STK11IP: variants seen among roughly 807,000 people sequenced by gnomAD.
STK11IP encodes serine/threonine-protein kinase 11-interacting protein.
STK11IP carries 103 observed loss-of-function variants against 131.7 expected under a neutral mutation model. The ratio of observed to expected loss-of-function variants is 0.78; its 90% confidence interval spans 0.67 to 0.92. The LOEUF (loss-of-function observed/expected upper bound fraction) is 0.92. STK11IP is among the 40% of genes least tolerant of loss of function. The pLI, the probability that STK11IP is intolerant of heterozygous loss-of-function variation, is 0.00. For synonymous variants in STK11IP, 557 were observed against 575.6 expected, an observed-to-expected ratio of 0.97 and a Z score of 0.46; for missense variants, 1,315 against 1,385.7, an observed-to-expected ratio of 0.95 and a Z score of 0.81.
In STK11IP at chr2:219,613,197, T is replaced by C. The variant is rs1698448813; in HGVS notation, c.2509T>C (p.Tyr837His). The change falls in exon 20 of 25, where the codon TAC becomes CAC. Residue 837 changes from tyrosine to histidine, a missense_variant. Coordinates refer to ENST00000456909, the MANE Select transcript of STK11IP (RefSeq NM_052902.4). ...CLVVVSDRRL[Y>H]LLKVTGEMRE... ...TGTGGTTGTGTCTGACCGCAGGCTG[T>C]ACCTGTTGAAGGTGACTGGGGAGAT... 6.2e-7 allele frequency: 1 copy of C among 1,603,946 alleles called. No individual in the cohort carries two copies.
intron 19 of STK11IP, among the ~76,000 whole-genome samples, 191 bp downstream of exon 19, chr2:219,612,249 A>G (rs912313950): frequency 6.6e-6 from 1 of 152,190 alleles, no homozygotes; most frequent in Non-Finnish European, 1.5e-5. Context: ...GCCTGTCTGC[A>G]ATGGAGATAA....
chr2:219,603,426 C>G (rs1437373361), intron 7 of STK11IP, among the ~76,000 whole-genome samples: 1 of 152,104 alleles, frequency 6.6e-6, no homozygotes, highest in East Asian at 1.9e-4. Flanking sequence ...AAACTGGTAG[C>G]TTTTGTGATT....
rs1251513720 is a variant in STK11IP, at chr2:219,614,515, G to T, written c.2838G>T (p.Gln946His). 6.2e-6 allele frequency: 10 copies of T among 1,613,858 alleles called. No homozygotes were observed. In the East Asian group the frequency reaches 1.1e-4, roughly 18 times the overall value. Reference protein sequence around the residue: ...LEKDSSLEARQFFYLRAFLVE... With the variant: ...LEKDSSLEARHFFYLRAFLVE... ...AAGACTCATCCTTGGAGGCTCGCCA[G>T]TTCTTCTACCTTCGGGCGTTCCTGG... is the stretch of plus-strand genomic sequence containing the variant. Residue 946 changes from glutamine to histidine, a missense_variant, in exon 23 of 25, where the codon CAG (glutamine) becomes CAT (histidine). Physicochemically the swap from Gln to His is conservative, Grantham distance 24. Transcript: ENST00000456909.
intron 17 of STK11IP, chr2:219,609,769 A>AT (rs1698335079): frequency 9.9e-6 from 5 of 506,552 alleles, no homozygotes; most frequent in Admixed American, 6.4e-5. Context: ...TTAACTCTAA[A>AT]AGTCAGGAAA....
At chr2:219,609,737 A>G (rs1370573758) in intron 17 of STK11IP, 197 bp downstream of exon 17, 11 of 541,488 alleles carry the variant, frequency 2.0e-5, no homozygotes, top group Non-Finnish European at 3.3e-5. Context: ...AGAAGAAACT[A>G]TATCCTGTTT....
chr2:219,602,923 A>G (rs1698037721), intron 7 of STK11IP, 147 bp downstream of exon 7: 1 of 743,750 alleles, frequency 1.3e-6, no homozygotes, highest in Non-Finnish European at 2.2e-6. Flanking sequence ...CTTAGACACT[A>G]GCATCAGACA....
chr2:219,614,041 G>C lies in STK11IP; in HGVS notation c.2716+111G>C, dbSNP rs1178993237. 3.3e-6 allele frequency: 5 copies of C among 1,507,846 alleles called. No individual in the cohort carries two copies. The South Asian group carries it at 6.1e-5, about 19-fold the overall frequency. 93.4% of individuals were successfully genotyped at this position (1,507,846 alleles called of 1,614,324 possible). ...CGGAGACAGAGAGGTAACAGGACTT[G>C]TCCCTTGTAGAAGTTTCTGAAATCC... On this transcript the variant is annotated intron_variant, in intron 21 of 24. Coordinates refer to ENST00000456909, the MANE Select transcript of STK11IP (RefSeq NM_052902.4).
rs1697842180 is a variant in STK11IP, at chr2:219,597,906, AC to A, written c.-42del. On this transcript the variant is annotated 5_prime_UTR_variant, in exon 1 of 25. Transcript: ENST00000456909. ...GCCGGGCAGCTGAGCTGGTAGGAGGACCAGACGGGGAGGTTCGGTATGTCTG... is the reference window on the plus strand; with the variant it reads ...GCCGGGCAGCTGAGCTGGTAGGAGGACAGACGGGGAGGTTCGGTATGTCTG... 6.2e-7 allele frequency: 1 copy of A among 1,611,342 alleles called. No individual in the cohort carries two copies. Among genetic ancestry groups the A allele is most frequent in the Non-Finnish European group, 8.5e-7 (1 of 1,178,842 alleles).
At chr2:219,601,873 C>T (rs1697997139) in intron 4 of STK11IP, 115 bp from the exon 5 acceptor site, 2 of 1,256,994 alleles carry the variant, frequency 1.6e-6, no homozygotes, top group East Asian at 2.5e-5. Context: ...TTTACTGCTT[C>T]CCTAAATCAT....
rs777066069 is a variant in STK11IP at position 219,606,291 on chromosome 2, G to A, written c.945+1G>A. On this transcript the variant is annotated splice_donor_variant, in intron 10 of 24. Transcript: ENST00000456909. LOFTEE classifies it high-confidence loss of function. ...CCGGGCCAGGGATGCTGCTACTGGC[G>A]TGAGTGATCGTCCTGTGTCCACTCT... is the stretch of plus-strand genomic sequence containing the variant. 6.1e-5 allele frequency: 96 copies of A among 1,561,588 alleles called. No homozygotes were observed. Among genetic ancestry groups the A allele is most frequent in the Non-Finnish European group, 7.2e-5 (83 of 1,152,594 alleles).
chr2:219,601,501 G>A (rs1187494142), intron 3 of STK11IP, 61 bp downstream of exon 3: 2 of 1,586,066 alleles, frequency 1.3e-6, no homozygotes, highest in Admixed American at 1.8e-5. Flanking sequence ...TGGAAGTTGG[G>A]GATAGGGTAG....
At chr2:219,613,294 A>AGATGGGGGGGTGG in intron 20 of STK11IP, 69 bp downstream of exon 20, 1 of 47,664 alleles carries the variant, frequency 2.1e-5, no homozygotes, top group Non-Finnish European at 4.0e-5. Flanking sequence ...TGGGGGAGTG[A>AGATGGGGGGGTGG]GGGGGAAGAT....
chr2:219,600,428 G>A (rs1201594882), intron 2 of STK11IP, among the ~76,000 whole-genome samples: 1 of 152,148 alleles, frequency 6.6e-6, no homozygotes, highest in Non-Finnish European at 1.5e-5. Context: ...TTGTACTATA[G>A]CTATATAAAA....
intron 7 of STK11IP, among the ~76,000 whole-genome samples, chr2:219,603,422 G>A (rs1157552542): frequency 6.6e-6 from 1 of 152,154 alleles, no homozygotes; most frequent in Non-Finnish European, 1.5e-5. Context: ...TCAGAAACTG[G>A]TAGCTTTTGT....
chr2:219,607,470 A>G (rs953961677), intron 13 of STK11IP, among the ~76,000 whole-genome samples: 1 of 151,916 alleles, frequency 6.6e-6, no homozygotes, highest in Non-Finnish European at 1.5e-5. Context: ...CAGCCTGGGC[A>G]ACATAGAGAG....
In STK11IP at chr2:219,615,138, C is replaced by G; in HGVS notation, c.2914C>G (p.Leu972Val). The G allele has an allele frequency of 1.2e-6, 2 of 1,608,890 alleles. No homozygotes were observed. The highest frequency in any genetic ancestry group is 2.2e-5 in the South Asian group (2 of 89,948). ...LVSLLLTPSTLFLLDEDAAGS... is the reference protein window; with the variant it reads ...LVSLLLTPSTVFLLDEDAAGS... ...ATCCCTGTTGCTGACTCCGTCCACC[C>G]TGTTCCTGTTAGATGAGGATGCTGC... Residue 972 changes from leucine to valine, a missense_variant, in exon 24 of 25, where the codon CTG (leucine) becomes GTG (valine). Coordinates refer to ENST00000456909, the MANE Select transcript of STK11IP (RefSeq NM_052902.4).
intron 5 of STK11IP, 90 bp from the exon 6 acceptor site, chr2:219,602,378 A>G: frequency 9.9e-7 from 1 of 1,014,708 alleles, no homozygotes; most frequent in Non-Finnish European, 1.5e-6. Flanking sequence ...AGTGTATAAA[A>G]AATGAATGAG....
chr2:219,613,695 C>T, intron 20 of STK11IP, 57 bp from the exon 21 acceptor site: 1 of 1,604,550 alleles, frequency 6.2e-7, no homozygotes, highest in Non-Finnish European at 8.5e-7. Context: ...CAGGGCCTCT[C>T]TGGGACTCTC....
At chr2:219,610,503 C>T (rs1038738660) in intron 17 of STK11IP, among the ~76,000 whole-genome samples, 1 of 152,048 alleles carries the variant, frequency 6.6e-6, no homozygotes, top group Non-Finnish European at 1.5e-5. Flanking sequence ...TCCGGGTTCA[C>T]GCCATTCTCC....
Sources: allele counts gnomAD v4.1 joint callset (sites outside exome capture counted in the v4.1 genomes callset), GRCh38; gene constraint gnomAD v4.1.1; transcripts MANE v1.5; gene names NCBI Gene and HGNC (gene_info 2026-07-23, HGNC 2026-07-21).